The following LOXL2 variants were observed in gnomAD, a reference collection of about 807,000 sequenced individuals.
The protein encoded by LOXL2 is lysyl oxidase homolog 2.
A neutral mutation model predicts 93.0 loss-of-function variants in LOXL2; 70 were observed. The ratio of observed to expected loss-of-function variants is 0.75; its 90% CI spans 0.62 to 0.92. The LOEUF is 0.92. Among genes scored for constraint, LOXL2 ranks in the 40% least tolerant of loss-of-function variants. LOXL2 has a pLI of 0.00. For missense variants in LOXL2, 973 were observed against 1,054.9 expected, an observed-to-expected ratio of 0.92 and a Z score of 1.08; for synonymous variants, 438 against 413.2, an observed-to-expected ratio of 1.06 and a Z score of -0.73.
At chr8:23,299,174 T>C (rs985711302) in intron 12 of LOXL2, among the ~76,000 whole-genome samples, 1 of 152,152 alleles carries the variant, frequency 6.6e-6, no homozygotes, top group East Asian at 1.9e-4. Flanking sequence ...TCTGTCCATA[T>C]CCGTGTAACA....
At chr8:23,304,078 A>T (rs1186322265) in intron 10 of LOXL2, among the ~76,000 whole-genome samples, 1 of 152,232 alleles carries the variant, frequency 6.6e-6, no homozygotes, top group Non-Finnish European at 1.5e-5. Context: ...GCAGAAAGAC[A>T]GCTGGGAGGC....
chr8:23,346,205 T>TAAAATA (rs139242619), intron 3 of LOXL2, among the ~76,000 whole-genome samples: 7,398 of 80,736 alleles, frequency 0.092, 236 homozygotes, highest in Admixed American at 0.14. Flanking sequence ...TAAAATAAAA[T>TAAAATA]AAATAAAATA....
intron 8 of LOXL2, among the ~76,000 whole-genome samples, chr8:23,317,664 T>A (rs1464260716): frequency 6.6e-6 from 1 of 152,190 alleles, no homozygotes; most frequent in Non-Finnish European, 1.5e-5. Flanking sequence ...AATAGAGTAG[T>A]TCTGCACAGA....
rs60561855 is a variant in LOXL2 at position 23,347,314 on chromosome 8, G to A, written c.532-6111C>T. On this transcript the variant is annotated intron_variant, in intron 3 of 13. Coordinates refer to ENST00000389131, the MANE Select transcript of LOXL2 (RefSeq NM_002318.3). Reference sequence around the variant, plus strand: ...GGGGGTTGCAGTGAGCCGAGATTGCGCCACTACACTCCAGCTGAGGTGACA... The same window carrying A: ...GGGGGTTGCAGTGAGCCGAGATTGCACCACTACACTCCAGCTGAGGTGACA... 5.4e-3 allele frequency among the ~76,000 whole-genome samples: 813 copies of A among 151,838 alleles called. 49 individuals carry two copies. In the East Asian group the frequency reaches 0.13, roughly 24 times the overall value.
chr8:23,309,146 G>A (rs1232027328), intron 10 of LOXL2, among the ~76,000 whole-genome samples: 4 of 151,866 alleles, frequency 2.6e-5, no homozygotes, highest in African/African-American at 7.3e-5. Context: ...CACCATGCCC[G>A]GCTAATTTTC....
chr8:23,361,076 A>C (rs4871867), intron 2 of LOXL2, among the ~76,000 whole-genome samples: 66,830 of 151,298 alleles, frequency 0.44, 15,506 homozygotes, highest in African/African-American at 0.6. Flanking sequence ...AATTTTTTGT[A>C]TTTTAGTAGA....
At chr8:23,384,955 G>T (rs1030182216) in intron 1 of LOXL2, among the ~76,000 whole-genome samples, 3 of 140,444 alleles carry the variant, frequency 2.1e-5, no homozygotes, top group African/African-American at 7.5e-5. Flanking sequence ...ATTCAACATG[G>T]ACAGTGAATT....
chr8:23,330,807 G>A lies in LOXL2; in HGVS notation c.967-2242C>T, dbSNP rs75570820. Reference sequence around the variant, plus strand: ...ACAGGGGGCAAGCAGGGTGTGGTGGGGGTTTGGGGGGTGGTGGACTGATTG... The same window carrying A: ...ACAGGGGGCAAGCAGGGTGTGGTGGAGGTTTGGGGGGTGGTGGACTGATTG... On this transcript the variant is annotated intron_variant, in intron 5 of 13. Transcript: ENST00000389131. 3.7e-3 allele frequency among the ~76,000 whole-genome samples: 566 copies of A among 151,886 alleles called. 3 individuals are homozygous for A. The highest frequency in any genetic ancestry group is 0.013 in the African/African-American group (532 of 41,410).
intron 3 of LOXL2, chr8:23,341,539 G>A: frequency 2.5e-6 from 1 of 397,626 alleles, no homozygotes; most frequent in East Asian, 5.4e-5. Flanking sequence ...CTCCTGCACA[G>A]GCCTCGAAAT....
chr8:23,401,682 T>A (rs1800153791), intron 1 of LOXL2, among the ~76,000 whole-genome samples: 3 of 152,208 alleles, frequency 2.0e-5, no homozygotes, highest in Non-Finnish European at 1.5e-5. Flanking sequence ...ACTCAACACC[T>A]TCGCTGATGG....
chr8:23,314,060 C>A (rs1585345601), intron 9 of LOXL2, among the ~76,000 whole-genome samples: 5 of 150,258 alleles, frequency 3.3e-5, no homozygotes, highest in East Asian at 4.0e-4. Flanking sequence ...CATCACTGGC[C>A]ATCAGAGAAA....
chr8:23,336,473 T>G (rs913260091), intron 4 of LOXL2: 2 of 150,678 alleles, frequency 1.3e-5, no homozygotes, highest in African/African-American at 2.4e-5. Flanking sequence ...ACTGGAGGAG[T>G]GACTGGAGTG....
intron 10 of LOXL2, among the ~76,000 whole-genome samples, chr8:23,305,832 G>A (rs1359092269): frequency 6.6e-6 from 1 of 151,120 alleles, no homozygotes; most frequent in Non-Finnish European, 1.5e-5. Flanking sequence ...TTTTTTTTGA[G>A]ATGGAGTCTT....
At chr8:23,360,698 C>G (rs1804274978) in intron 2 of LOXL2, among the ~76,000 whole-genome samples, 2 of 152,100 alleles carry the variant, frequency 1.3e-5, no homozygotes, top group Non-Finnish European at 2.9e-5. Flanking sequence ...TACTACGAAG[C>G]CTGTGCCTAG....
In LOXL2 at chr8:23,318,425, GCACACACA is replaced by G. The variant is rs59051890; in HGVS notation, c.1471-1319_1471-1312del. 5.1e-3 allele frequency among the ~76,000 whole-genome samples: 745 copies of G among 145,556 alleles called. 2 individuals carry two copies. Among genetic ancestry groups the G allele is most frequent in the African/African-American group, 6.5e-3 (247 of 38,202 alleles). ...CATTCATACATCCTATTGGTTGATA[GCACACACA>G]CACACACACACACACACACACACAC... is the stretch of plus-strand genomic sequence containing the variant. On this transcript the variant is annotated intron_variant, in intron 8 of 13. Coordinates refer to ENST00000389131, the MANE Select transcript of LOXL2 (RefSeq NM_002318.3).
At chr8:23,372,221 C>T (rs926698871) in intron 1 of LOXL2, among the ~76,000 whole-genome samples, 1 of 145,372 alleles carries the variant, frequency 6.9e-6, no homozygotes, top group African/African-American at 2.5e-5. Context: ...ATTTCTTTTT[C>T]TTTTTTTTTT....
intron 9 of LOXL2, among the ~76,000 whole-genome samples, chr8:23,314,918 G>A (rs1803370476): frequency 6.6e-6 from 1 of 152,174 alleles, no homozygotes; most frequent in Admixed American, 6.5e-5. Flanking sequence ...CACCACGGAG[G>A]GTCAAAGCCA....
intron 5 of LOXL2, among the ~76,000 whole-genome samples, chr8:23,331,103 G>A (rs1283895527): frequency 1.3e-5 from 2 of 152,174 alleles, no homozygotes; most frequent in Admixed American, 6.5e-5. Context: ...TGGTTTATCC[G>A]GCTCTTGTCA....
chr8:23,400,496 G>A (rs1435070700), intron 1 of LOXL2, among the ~76,000 whole-genome samples: 1 of 152,202 alleles, frequency 6.6e-6, no homozygotes, highest in Non-Finnish European at 1.5e-5. Flanking sequence ...AATTATGACA[G>A]CTACAATTCA....
Sources: allele counts gnomAD v4.1 joint callset (sites outside exome capture counted in the v4.1 genomes callset), GRCh38; gene constraint gnomAD v4.1.1; transcripts MANE v1.5; gene names NCBI Gene and HGNC (gene_info 2026-07-23, HGNC 2026-07-21).